Variants in AK9 observed in about 807,000 individuals in gnomAD.
AK9 encodes adenylate kinase 9, also known as adenylate kinase domain containing 1.
AK9 carries 191 observed loss-of-function variants against 239.6 expected under a neutral mutation model. That is an observed-to-expected ratio of 0.80 (90% CI 0.71 to 0.90). The LOEUF is 0.90. Among genes scored for constraint, AK9 ranks in the 40% least tolerant of loss-of-function variants. The pLI is 0.00. For synonymous variants in AK9, 689 were observed against 721.0 expected (o/e 0.96, Z 0.71); for missense variants, 1,995 against 2,214.7 (o/e 0.90, Z 1.99).
At chr6:109,516,822 C>CT (rs994153598) in intron 29 of AK9, among the ~76,000 whole-genome samples, 180 bp from the exon 30 acceptor site, 2 of 152,074 alleles carry the variant, frequency 1.3e-5, no homozygotes, top group African/African-American at 4.8e-5. Flanking sequence ...TTATAGAACA[C>CT]TTTTTTGTCA....
At chr6:109,632,777 A>G (rs908509344) in intron 12 of AK9, 146 bp downstream of exon 12, 2 of 1,363,814 alleles carry the variant, frequency 1.5e-6, no homozygotes, top group Admixed American at 7.0e-5. Context: ...TGGAACAATT[A>G]TTCAATTAAA....
rs1391103377 is a variant in AK9 at position 109,506,764 on chromosome 6, T to C, written c.4518A>G (p.Gln1506=). Residue 1506 remains glutamine (Q), a synonymous_variant, in exon 34 of 41, where the codon CAA becomes CAG. Transcript: ENST00000424296. ...VIDGYPVTKH[Q]MNLLEARSII... is the part of the protein sequence containing the mutation. ...TTGACCTAGCTTCCAAGAGATTCAT[T>C]TGATGTTTAGTTACAGGATATCCAT... 9.2e-6 allele frequency: 14 copies of C among 1,521,726 alleles called. No individual in the cohort carries two copies. In the Admixed American group the frequency reaches 1.2e-4, roughly 14 times the overall value. 94.3% of individuals were successfully genotyped at this position (1,521,726 alleles called of 1,614,324 possible).
At chr6:109,503,558 CAG>C (rs1375924246) in intron 35 of AK9, among the ~76,000 whole-genome samples, 29 of 152,210 alleles carry the variant, frequency 1.9e-4, no homozygotes, top group Admixed American at 1.9e-3. Flanking sequence ...ACAAAGGAAA[CAG>C]AGCATGAAAA....
At chr6:109,610,736 C>A (rs960654491) in intron 16 of AK9, among the ~76,000 whole-genome samples, 1 of 152,024 alleles carries the variant, frequency 6.6e-6, no homozygotes, top group Non-Finnish European at 1.5e-5. Flanking sequence ...GCCAGTACAG[C>A]AGAATGAAAG....
intron 21 of AK9, among the ~76,000 whole-genome samples, chr6:109,565,947 G>A (rs934289348): frequency 6.6e-6 from 1 of 152,070 alleles, no homozygotes. Flanking sequence ...TGGCCTGGTG[G>A]TGGCATGTTT....
intron 20 of AK9, among the ~76,000 whole-genome samples, chr6:109,575,335 A>T (rs1483140968): frequency 6.6e-6 from 1 of 152,126 alleles, no homozygotes; most frequent in East Asian, 1.9e-4. Context: ...ATCCATGCCA[A>T]CATCTATTAT....
chr6:109,652,396 A>G (rs1436478189), intron 8 of AK9, among the ~76,000 whole-genome samples: 1 of 152,234 alleles, frequency 6.6e-6, no homozygotes, highest in African/African-American at 2.4e-5. Flanking sequence ...TATTGATGGG[A>G]TGCATCTCAA....
At chr6:109,563,739 A>G (rs1341482389) in intron 23 of AK9, 27 bp from the exon 24 acceptor site, 4 of 1,536,238 alleles carry the variant, frequency 2.6e-6, no homozygotes. Flanking sequence ...TCATTGGGGA[A>G]AATATTTTTA....
At chr6:109,594,434 T>C (rs1026307825) in intron 17 of AK9, among the ~76,000 whole-genome samples, 4 of 152,230 alleles carry the variant, frequency 2.6e-5, no homozygotes, top group African/African-American at 9.6e-5. Flanking sequence ...ATGGCCATAC[T>C]GCCCAAAGTA....
At chr6:109,517,474 A>G (rs975752172) in intron 29 of AK9, among the ~76,000 whole-genome samples, 1 of 152,236 alleles carries the variant, frequency 6.6e-6, no homozygotes, top group Admixed American at 6.5e-5. Flanking sequence ...AATGCAGTTC[A>G]AAGAGTATAA....
intron 1 of AK9, chr6:109,690,456 C>G (rs1471690538): frequency 6.6e-6 from 1 of 152,176 alleles, no homozygotes; most frequent in Admixed American, 6.5e-5. Flanking sequence ...CAGCGGGCCG[C>G]CGGAAGGCTC....
intron 13 of AK9, among the ~76,000 whole-genome samples, chr6:109,617,092 A>G (rs1195876799): frequency 6.6e-6 from 1 of 152,148 alleles, no homozygotes; most frequent in African/African-American, 2.4e-5. Flanking sequence ...GCTTATTAAG[A>G]AAACTGTAGA....
chr6:109,532,062 T>C (rs746786462), intron 28 of AK9, among the ~76,000 whole-genome samples: 1 of 152,168 alleles, frequency 6.6e-6, no homozygotes, highest in Non-Finnish European at 1.5e-5. Context: ...TTTTAACACT[T>C]TGGCAGTCTG....
intron 24 of AK9, among the ~76,000 whole-genome samples, chr6:109,560,840 TG>T (rs537542437): frequency 5.7e-4 from 87 of 152,230 alleles, no homozygotes; most frequent in Non-Finnish European, 1.1e-3. Flanking sequence ...TGTATAGAAT[TG>T]GTTTTCTTTC....
chr6:109,537,209 A>C (rs1041508774), intron 27 of AK9, among the ~76,000 whole-genome samples: 1 of 152,108 alleles, frequency 6.6e-6, no homozygotes, highest in African/African-American at 2.4e-5. Flanking sequence ...CTCTGGTAGA[A>C]TTTGGCTGTG....
At chr6:109,653,180 G>A (rs1799213690) in intron 8 of AK9, among the ~76,000 whole-genome samples, 2 of 152,128 alleles carry the variant, frequency 1.3e-5, no homozygotes, top group African/African-American at 2.4e-5. Flanking sequence ...ACCCGTCTCC[G>A]CCTCCCAAAG....
chr6:109,561,448 G>A (rs551171305), intron 24 of AK9, among the ~76,000 whole-genome samples: 3 of 152,244 alleles, frequency 2.0e-5, no homozygotes, highest in South Asian at 4.2e-4. Flanking sequence ...TGAGTAGCCA[G>A]GACTACAGGT....
Position 109,506,320 on chromosome 6 carries a change from A to G in AK9, c.4849+7T>C, listed in dbSNP as rs748427443. 1.2e-6 allele frequency: 2 copies of G among 1,611,104 alleles called. No individual in the cohort carries two copies. Among genetic ancestry groups the G allele is most frequent in the African/African-American group, 1.3e-5 (1 of 74,986 alleles). ...ATTTTATTCTACCTTAAAAAGTGCT[A>G]TCTTACCTGCTTTTATTCTTTCCAG... On this transcript the variant is annotated splice_region_variant and intron_variant, in intron 35 of 40. Coordinates refer to ENST00000424296, the MANE Select transcript of AK9 (RefSeq NM_001145128.3).
Position 109,635,204 on chromosome 6 carries a change from C to G in AK9, c.934-1881G>C, listed in dbSNP as rs539332685. Among the ~76,000 whole-genome samples the G allele has an allele frequency of 5.8e-4, 88 of 152,250 alleles. 1 individual carries two copies. Among genetic ancestry groups the G allele is most frequent in the African/African-American group, 2.1e-3 (87 of 41,550 alleles). On this transcript the variant is annotated intron_variant, in intron 10 of 40. Coordinates refer to ENST00000424296, the MANE Select transcript of AK9 (RefSeq NM_001145128.3). ...AAGGCTGACAGCTCACCAGTTACAGCTACACAGTTTTGTAAGTTAGAAAGC... is the reference window on the plus strand; with the variant it reads ...AAGGCTGACAGCTCACCAGTTACAGGTACACAGTTTTGTAAGTTAGAAAGC...
Sources: gnomAD v4.1 joint callset for allele counts (sites outside exome capture counted in the v4.1 genomes callset) on GRCh38, gnomAD v4.1.1 for gene constraint, MANE v1.5 for transcripts, NCBI Gene and HGNC (gene_info 2026-07-23, HGNC 2026-07-21) for gene names.